PVRIG: variants seen among roughly 807,000 people sequenced by gnomAD.
PVRIG encodes the protein transmembrane protein PVRIG.
PVRIG carries 16 observed loss-of-function variants against 21.9 expected under a neutral mutation model. The observed-to-expected ratio is 0.73, with a 90% CI of 0.50 to 1.11. The LOEUF is 1.11. Among genes scored for constraint, PVRIG ranks in the 50% most tolerant of loss-of-function variants. The pLI, the probability that PVRIG is intolerant of heterozygous loss-of-function variation, is 0.00. For synonymous variants in PVRIG, 190 were observed against 181.0 expected, an observed-to-expected ratio of 1.05 and a Z score of -0.40; for missense variants, 435 against 445.7, an observed-to-expected ratio of 0.98 and a Z score of 0.22.
exon 3 of PVRIG, chr7:100,220,298 C>G: frequency 6.4e-7 from 1 of 1,558,370 alleles, no homozygotes; most frequent in Non-Finnish European, 8.7e-7. Flanking sequence ...GGCAATGGGC[C>G]CCTGCTCGCC....
exon 2 of PVRIG, chr7:100,219,957 G>C: frequency 1.6e-5 from 25 of 1,564,590 alleles, no homozygotes; most frequent in Non-Finnish European, 2.2e-5. Flanking sequence ...CCAGAACCTG[G>C]ACTGGAGGGG....
At chr7:100,221,167 G>A in exon 6 of PVRIG, 10 of 1,612,472 alleles carry the variant, frequency 6.2e-6, no homozygotes, top group Non-Finnish European at 7.6e-6. Context: ...CAGGGGAGAG[G>A]CCTCCTCACA....
At chr7:100,220,314 C>G (rs1199071982) in exon 3 of PVRIG, 1 of 1,556,356 alleles carries the variant, frequency 6.4e-7, no homozygotes, top group Admixed American at 1.9e-5. Context: ...TCGCCAGGCC[C>G]GCTGGGAAAC....
chr7:100,220,798 A>G (rs1584851406), exon 5 of PVRIG: 1 of 1,605,526 alleles, frequency 6.2e-7, no homozygotes, highest in Non-Finnish European at 8.5e-7. Context: ...ACCAGCCCCC[A>G]GGCACCGAGA....
chr7:100,220,701 CCT>C (rs1442186359), intron 4 of PVRIG, 28 bp downstream of exon 3: 14 of 1,609,250 alleles, frequency 8.7e-6, no homozygotes, highest in African/African-American at 1.3e-5. Flanking sequence ...TCCACGTCCC[CCT>C]GACACTGGGA....
chr7:100,221,414 T>C, exon 6 of PVRIG: 1 of 537,050 alleles, frequency 1.9e-6, no homozygotes, highest in Non-Finnish European at 3.2e-6. Context: ...CAGGTGTGAG[T>C]GTGTGAGTGA....
Position 100,219,941 on chromosome 7 carries a change from C to T in PVRIG, c.31C>T (p.Gln11Ter), listed in dbSNP as rs1317235183. ...AACAGAGGCACAGGTGCCGGCCCTG[C>T]AGCCCCCAGAACCTGGACTGGAGGG... is the stretch of plus-strand genomic sequence containing the variant. The change falls in exon 2 of 6, where the codon CAG becomes TAG. Residue 11 changes from glutamine (Q) to a stop codon, truncating the protein, a stop_gained. Transcript: ENST00000317271. LOFTEE classifies it high-confidence loss of function. The T allele has an allele frequency of 1.9e-6, 3 of 1,551,426 alleles. No individual in the cohort carries two copies. Among genetic ancestry groups the T allele is most frequent in the Non-Finnish European group, 2.6e-6 (3 of 1,147,830 alleles).
chr7:100,220,942 C>T (rs768811522), exon 6 of PVRIG: 58 of 1,580,214 alleles, frequency 3.7e-5, no homozygotes, highest in Non-Finnish European at 4.7e-5. Flanking sequence ...CAAGCCAGGC[C>T]TCCCAGGCTG....
At chr7:100,220,899 A>G (rs751137231) in intron 5 of PVRIG, 29 bp from the exon 5 acceptor site, 6 of 1,585,756 alleles carry the variant, frequency 3.8e-6, no homozygotes, top group Non-Finnish European at 4.3e-6. Flanking sequence ...AGCTGTGCAG[A>G]CTCACTTGAC....
chr7:100,221,449 C>G (rs1209925980), exon 6 of PVRIG: 1 of 471,564 alleles, frequency 2.1e-6, no homozygotes, highest in Non-Finnish European at 3.7e-6. Flanking sequence ...CAGTCATTTC[C>G]TGCTGCAACT....
rs772642544 is a variant in PVRIG at position 100,221,227 on chromosome 7, G to A, written c.957G>A (p.Met319Ile). Residue 319 changes from methionine (M) to isoleucine (I), a missense_variant, in exon 6 of 6, where the codon ATG (methionine) becomes ATA (isoleucine). Met to Ile is a conservative substitution (Grantham distance 10). Transcript: ENST00000317271. ...CTGACCCTCGGGGGCCCAGGGCCAT[G>A]GAAGGACCCTTAGGAGTTCGATGAG... 7 of 1,599,686 alleles carry A rather than the reference G, an allele frequency of 4.4e-6. No homozygotes were observed. The African/African-American group carries it at 8.0e-5, about 18-fold the overall frequency.
rs533009681 is a variant in PVRIG, at chr7:100,219,910, G to A, written c.-1G>A. On this transcript the variant is annotated 5_prime_UTR_variant, in exon 2 of 6. Transcript: ENST00000317271. ...TGCTGACAACATGAAGACTTCCTGC[G>A]ATGAGAACAGAGGCACAGGTGCCGG... 5.2e-6 allele frequency: 8 copies of A among 1,549,126 alleles called. No homozygotes were observed. The East Asian group carries it at 7.3e-5, about 14-fold the overall frequency.
exon 3 of PVRIG, chr7:100,220,208 C>T (rs755723452): frequency 1.3e-6 from 2 of 1,596,176 alleles, no homozygotes; most frequent in South Asian, 1.1e-5. Flanking sequence ...GCTCCATCTC[C>T]CTGGTGACTG....
At chr7:100,221,343 A>G (rs1451465299) in exon 6 of PVRIG, 4 of 1,101,688 alleles carry the variant, frequency 3.6e-6, no homozygotes, top group African/African-American at 3.2e-5. Context: ...TAAGTGTCCC[A>G]TAGGTGTCTG....
chr7:100,219,851 G>T, exon 2 of PVRIG: 1 of 1,324,866 alleles, frequency 7.5e-7, no homozygotes, highest in Non-Finnish European at 1.1e-6. Context: ...CTCTGGGGAA[G>T]GTGTGAGAGG....
chr7:100,220,869 G>GGGCAGA (rs780680684), intron 5 of PVRIG, 49 bp downstream of exon 4: 1 of 1,601,356 alleles, frequency 6.2e-7, no homozygotes, highest in African/African-American at 1.3e-5. Flanking sequence ...GCAGGGGCAG[G>GGGCAGA]GGGGCCAGGG....
chr7:100,220,778 G>A, exon 5 of PVRIG: 1 of 1,605,998 alleles, frequency 6.2e-7, no homozygotes, highest in Non-Finnish European at 8.5e-7. Context: ...CTAGGCTCCA[G>A]CCGTCCCGCA....
chr7:100,220,873 G>A (rs1398230566), intron 5 of PVRIG, 53 bp downstream of exon 4: 3 of 1,599,112 alleles, frequency 1.9e-6, no homozygotes, highest in African/African-American at 1.4e-5. Flanking sequence ...GGGCAGGGGG[G>A]CCAGGGCTGG....
At chr7:100,220,067 A>AG in intron 2 of PVRIG, 39 bp downstream of exon 1, 1 of 1,603,142 alleles carries the variant, frequency 6.2e-7, no homozygotes, top group African/African-American at 1.3e-5. Flanking sequence ...GGCTGCAGGG[A>AG]GGGTGATGTA....
Sources: allele counts gnomAD v4.1 joint callset, GRCh38; gene constraint gnomAD v4.1.1; transcripts MANE v1.5; gene names NCBI Gene and HGNC (gene_info 2026-07-23, HGNC 2026-07-21).